The following POLN variants were observed in gnomAD, a reference collection of about 807,000 sequenced individuals.
POLN encodes the protein DNA polymerase nu, also known as DNA polymerase N.
In POLN, 108 loss-of-function variants were observed where a neutral mutation model predicts 113.5. The observed-to-expected ratio is 0.95, with a 90% CI of 0.81 to 1.12. The LOEUF (loss-of-function observed/expected upper bound fraction) is 1.12, where lower values mean the gene tolerates loss of function less well. POLN is among the 50% of genes most tolerant of loss of function. The probability of loss-of-function intolerance (pLI) is 0.00; values close to 1 mark genes in which losing one functional copy is unlikely to be tolerated. For synonymous variants in POLN, 386 were observed against 391.5 expected (o/e 0.99, Z 0.17); for missense variants, 1,097 against 1,077.1 (o/e 1.02, Z -0.26).
intron 22 of POLN, 200 bp from the exon 23 acceptor site, chr4:2,081,236 C>T: frequency 6.6e-7 from 1 of 1,515,184 alleles, no homozygotes; most frequent in South Asian, 1.2e-5. Flanking sequence ...CTGCAGGGCA[C>T]CTGGGTTTTG....
intron 20 of POLN, among the ~76,000 whole-genome samples, chr4:2,091,894 C>T (rs1220261668): frequency 1.3e-5 from 2 of 152,194 alleles, no homozygotes; most frequent in Admixed American, 6.5e-5. Flanking sequence ...ATATTGCTAA[C>T]AGGCTTTCAC....
rs201493838 is a variant in POLN, at chr4:2,072,132, C to T, written c.2685G>A (p.Ser895=). ...ASTQPPPLHF[S]PSFCL ...CCTGGGGCTACAGACAAAATGAAGGCGAAAAATGCAGGGGTGGGGGCTGGG... is the reference window on the plus strand; with the variant it reads ...CCTGGGGCTACAGACAAAATGAAGGTGAAAAATGCAGGGGTGGGGGCTGGG... Residue 895 remains serine (S), a synonymous_variant, in exon 26 of 26, where the codon TCG becomes TCA. Coordinates refer to ENST00000511885, the MANE Select transcript of POLN (RefSeq NM_181808.4). 30 of 1,611,804 alleles carry T rather than the reference C, an allele frequency of 1.9e-5. No homozygotes were observed. Among genetic ancestry groups the T allele is most frequent in the Admixed American group, 6.7e-5 (4 of 59,694 alleles).
chr4:2,074,721 G>A (rs1274356967), intron 24 of POLN, among the ~76,000 whole-genome samples: 1 of 152,124 alleles, frequency 6.6e-6, no homozygotes, highest in Non-Finnish European at 1.5e-5. Context: ...ACGCCCCCGT[G>A]CCTCTTCTCC....
chr4:2,171,011 AAAT>A, intron 12 of POLN, 84 bp downstream of exon 12: 1 of 1,244,056 alleles, frequency 8.0e-7, no homozygotes, highest in Non-Finnish European at 1.1e-6. Flanking sequence ...AGTTGACATA[AAAT>A]AATACTTATA....
chr4:2,240,170 TC>T, intron 2 of POLN: 1 of 1,614,052 alleles, frequency 6.2e-7, no homozygotes, highest in Non-Finnish European at 8.5e-7. Context: ...CCATCTCTAG[TC>T]GTCTCTCCTC....
At chr4:2,104,127 A>T (rs2208903) in intron 19 of POLN, among the ~76,000 whole-genome samples, 1 of 152,106 alleles carries the variant, frequency 6.6e-6, no homozygotes, top group Non-Finnish European at 1.5e-5. Flanking sequence ...CAAACAGAGA[A>T]AATGAAAGAA....
intron 19 of POLN, among the ~76,000 whole-genome samples, chr4:2,106,463 AT>A (rs370173881): frequency 3.3e-5 from 5 of 152,028 alleles, no homozygotes; most frequent in East Asian, 1.9e-4. Flanking sequence ...CTTACTTGAT[AT>A]TTTTTTTGCC....
rs536485175 is a variant in POLN at position 2,241,465 on chromosome 4, G to A, written c.-13+55C>T. 6 of 981,156 alleles carry A rather than the reference G, an allele frequency of 6.1e-6. No homozygotes were observed. In the Admixed American group the frequency reaches 3.7e-4, roughly 60 times the overall value. 60.8% of individuals were successfully genotyped at this position (981,156 alleles called of 1,614,324 possible). A position where few individuals can be genotyped will look rare whatever the true frequency, so the allele number is the denominator to read the frequency against. On this transcript the variant is annotated intron_variant, in intron 2 of 25. Transcript: ENST00000511885. ...AGCCTCTCTTCCCTGCCCTCCGTAC[G>A]TAAGAAGACGCAAATAAGCATGGCA...
At chr4:2,178,629 T>G (rs936809797) in intron 8 of POLN, among the ~76,000 whole-genome samples, 2 of 151,108 alleles carry the variant, frequency 1.3e-5, no homozygotes, top group African/African-American at 4.9e-5. Flanking sequence ...TTTTTTTTTT[T>G]GAGACAGAGT....
chr4:2,145,763 T>G (rs1732122667), intron 16 of POLN, among the ~76,000 whole-genome samples: 1 of 152,228 alleles, frequency 6.6e-6, no homozygotes, highest in South Asian at 2.1e-4. Flanking sequence ...AATACCAGCA[T>G]GCCCTATCGT....
intron 21 of POLN, among the ~76,000 whole-genome samples, chr4:2,084,283 C>A (rs1177713061): frequency 6.6e-6 from 1 of 152,264 alleles, no homozygotes; most frequent in African/African-American, 2.4e-5. Flanking sequence ...CCCAGCCCTA[C>A]CTGTTCTCTG....
At chr4:2,203,354 G>A (rs1395728068) in intron 5 of POLN, among the ~76,000 whole-genome samples, 3 of 152,076 alleles carry the variant, frequency 2.0e-5, no homozygotes, top group African/African-American at 7.2e-5. Context: ...AGCTGAAGCA[G>A]GTGGATCACA....
intron 11 of POLN, among the ~76,000 whole-genome samples, chr4:2,172,890 G>A (rs57556858): frequency 0.021 from 3,146 of 152,266 alleles, 105 homozygotes; most frequent in African/African-American, 0.071. Flanking sequence ...ACTGCCACTT[G>A]GAAACAACCA....
At chr4:2,117,998 A>C (rs931024961) in intron 19 of POLN, among the ~76,000 whole-genome samples, 6 of 152,208 alleles carry the variant, frequency 3.9e-5, no homozygotes, top group Non-Finnish European at 7.3e-5. Flanking sequence ...TGGGCAGTAC[A>C]ACTCTTACAA....
chr4:2,084,855 TTTG>T (rs1415984026), intron 21 of POLN, among the ~76,000 whole-genome samples: 1 of 152,242 alleles, frequency 6.6e-6, no homozygotes, highest in African/African-American at 2.4e-5. Context: ...CATCCTCCTC[TTTG>T]TTGTTGATTT....
rs925147125 is a variant in POLN at position 2,177,189 on chromosome 4, T to C, written c.1180-855A>G. The C allele has an allele frequency of 1.7e-5, 6 of 353,650 alleles. No homozygotes were observed. The East Asian group carries it at 3.0e-4, about 18-fold the overall frequency. 21.9% of individuals were successfully genotyped at this position (353,650 alleles called of 1,614,324 possible). Reference sequence around the variant, plus strand: ...GCCTTCCACACCCCAAAACTGACCATGTGACTCCTAGTTTGAATACCCCCA... The same window carrying C: ...GCCTTCCACACCCCAAAACTGACCACGTGACTCCTAGTTTGAATACCCCCA... On this transcript the variant is annotated intron_variant, in intron 8 of 25. Transcript: ENST00000511885.
intron 16 of POLN, among the ~76,000 whole-genome samples, chr4:2,136,995 G>A (rs1324724467): frequency 2.6e-5 from 4 of 152,142 alleles, no homozygotes; most frequent in African/African-American, 9.7e-5. Flanking sequence ...AGGCACCTGA[G>A]AGGTGCTGTG....
At chr4:2,189,884 G>T (rs1042236135) in intron 7 of POLN, among the ~76,000 whole-genome samples, 2 of 151,706 alleles carry the variant, frequency 1.3e-5, no homozygotes, top group African/African-American at 4.8e-5. Flanking sequence ...CAAAAATTAG[G>T]TGTGGTGGCG....
intron 19 of POLN, among the ~76,000 whole-genome samples, chr4:2,096,846 C>A (rs1176076498): frequency 6.6e-6 from 1 of 152,166 alleles, no homozygotes; most frequent in Non-Finnish European, 1.5e-5. Context: ...TCTACCTTAG[C>A]CTTCACTTCC....
Sources: allele counts gnomAD v4.1 joint callset (sites outside exome capture counted in the v4.1 genomes callset), GRCh38; gene constraint gnomAD v4.1.1; transcripts MANE v1.5; gene names NCBI Gene and HGNC (gene_info 2026-07-23, HGNC 2026-07-21).